Variants in CRIM1 observed in about 807,000 individuals in gnomAD.
CRIM1 encodes the protein cysteine rich transmembrane BMP regulator 1, also known as cysteine-rich motor neuron 1 protein.
In CRIM1, 32 loss-of-function variants were observed where a neutral mutation model predicts 116.4. The ratio of observed to expected loss-of-function variants is 0.27; its 90% CI spans 0.21 to 0.37. CRIM1 has a LOEUF of 0.37. Ranked by LOEUF, CRIM1 falls within the 10% of genes least tolerant of loss-of-function variation. The probability of loss-of-function intolerance (pLI) is 1.00; values close to 1 mark genes in which losing one functional copy is unlikely to be tolerated. For synonymous variants in CRIM1, 590 were observed against 509.2 expected, an observed-to-expected ratio of 1.16 and a Z score of -2.13; for missense variants, 1,331 against 1,354.8, an observed-to-expected ratio of 0.98 and a Z score of 0.28.
intron 2 of CRIM1, among the ~76,000 whole-genome samples, chr2:36,403,536 A>G (rs3770926): frequency 0.13 from 19,083 of 152,160 alleles, 1,528 homozygotes; most frequent in East Asian, 0.47. Flanking sequence ...GAAGGGAAGG[A>G]GAGTTTAAGA....
chr2:36,508,650 C>G (rs1681594363), intron 8 of CRIM1, among the ~76,000 whole-genome samples: 1 of 152,172 alleles, frequency 6.6e-6, no homozygotes. Flanking sequence ...CTTTCAAATT[C>G]TATATTTAAT....
chr2:36,474,385 C>A (rs1678791697), intron 5 of CRIM1, among the ~76,000 whole-genome samples: 1 of 152,028 alleles, frequency 6.6e-6, no homozygotes. Flanking sequence ...ATCTAAGAAA[C>A]CACTCCCTAA....
intron 12 of CRIM1, among the ~76,000 whole-genome samples, chr2:36,520,965 C>A (rs779166811): frequency 6.6e-5 from 10 of 152,204 alleles, no homozygotes; most frequent in African/African-American, 2.4e-4. Flanking sequence ...ATGTGGCCCT[C>A]TTAGAGCTTT....
intron 2 of CRIM1, among the ~76,000 whole-genome samples, chr2:36,411,733 A>G (rs1302651780): frequency 6.6e-6 from 1 of 152,048 alleles, no homozygotes; most frequent in Non-Finnish European, 1.5e-5. Flanking sequence ...TAATAGTGTT[A>G]CATTCTCTGG....
intron 13 of CRIM1, among the ~76,000 whole-genome samples, chr2:36,523,898 C>T (rs893470714): frequency 1.3e-5 from 2 of 152,062 alleles, no homozygotes; most frequent in South Asian, 2.1e-4. Context: ...TTTTACTCTG[C>T]GTGTTGGTAT....
At chr2:36,476,772 A>G (rs988080552) in intron 5 of CRIM1, 117 bp from the exon 6 acceptor site, 1 of 770,366 alleles carries the variant, frequency 1.3e-6, no homozygotes, top group South Asian at 1.8e-5. Flanking sequence ...AGTTGAGTAA[A>G]TTTCCATCAA....
Position 36,544,507 on chromosome 2 carries a change from T to C in CRIM1, c.2746+9T>C. Reference sequence around the variant, plus strand: ...CGTCCATCTCCCTAGAGGTAAGCATTGAAGGCAGCTGAGATCTGCTAGTTT... The same window carrying C: ...CGTCCATCTCCCTAGAGGTAAGCATCGAAGGCAGCTGAGATCTGCTAGTTT... On this transcript the variant is annotated intron_variant, in intron 15 of 16. Transcript: ENST00000280527. The C allele has an allele frequency of 7.5e-7, 1 of 1,324,928 alleles. No individual in the cohort carries two copies. The highest frequency in any genetic ancestry group is 9.7e-7 in the Non-Finnish European group (1 of 1,027,504). The allele number at this position is 1,324,928 out of a possible 1,614,324, so 82.1% of individuals were successfully genotyped here.
At chr2:36,418,401 C>G (rs1159381098) in intron 2 of CRIM1, among the ~76,000 whole-genome samples, 1 of 152,178 alleles carries the variant, frequency 6.6e-6, no homozygotes, top group African/African-American at 2.4e-5. Context: ...CCTCCCCAGG[C>G]TCAGCTTCCC....
chr2:36,497,666 A>G (rs1469366048), intron 7 of CRIM1, among the ~76,000 whole-genome samples: 1 of 152,218 alleles, frequency 6.6e-6, no homozygotes. Flanking sequence ...TTTTAGTAAG[A>G]TGCTGTTCTT....
At chr2:36,463,402 G>T (rs1339338189) in intron 4 of CRIM1, among the ~76,000 whole-genome samples, 1 of 152,174 alleles carries the variant, frequency 6.6e-6, no homozygotes, top group African/African-American at 2.4e-5. Context: ...AGTTTTCCCT[G>T]CTGGGAACAT....
chr2:36,529,603 T>G (rs923646068), intron 13 of CRIM1: 14 of 166,914 alleles, frequency 8.4e-5, no homozygotes, highest in Non-Finnish European at 1.8e-4. Flanking sequence ...ATAAAATGTT[T>G]CCTTCAACAA....
At chr2:36,394,508 T>G (rs1320305369) in intron 1 of CRIM1, among the ~76,000 whole-genome samples, 4 of 152,156 alleles carry the variant, frequency 2.6e-5, no homozygotes, top group Non-Finnish European at 5.9e-5. Flanking sequence ...CTGATTTTCC[T>G]TTCAGAGTAC....
rs575443930 is a variant in CRIM1 at position 36,476,490 on chromosome 2, AT to A, written c.992-394del. ...CCACTTCAAAAAAGACCATAATAAA[AT>A]TTTTGAAGCAGAACAAAACCTAATG... On this transcript the variant is annotated intron_variant, in intron 5 of 16. Transcript: ENST00000280527. 1.3e-3 allele frequency among the ~76,000 whole-genome samples: 193 copies of A among 152,244 alleles called. 2 individuals are homozygous for A. The highest frequency in any genetic ancestry group is 4.5e-3 in the African/African-American group (185 of 41,556).
chr2:36,406,057 A>G (rs1433134102), intron 2 of CRIM1, among the ~76,000 whole-genome samples: 1 of 152,212 alleles, frequency 6.6e-6, no homozygotes, highest in South Asian at 2.1e-4. Context: ...GATCTCCTGT[A>G]TGGCATTAAA....
At position 36,472,772 on chromosome 2, in the gene CRIM1, C is replaced by G. The variant is rs187054591; in HGVS notation, c.992-4117C>G. 1.2e-4 allele frequency among the ~76,000 whole-genome samples: 18 copies of G among 152,252 alleles called. No homozygotes were observed. The East Asian group carries it at 3.3e-3, about 28-fold the overall frequency. On this transcript the variant is annotated intron_variant, in intron 5 of 16. Transcript: ENST00000280527. ...TTAGAGTACAGTATTTTGCCTCGCTCTACAGCCTGCAAATTTAATGTATAA... is the reference window on the plus strand; with the variant it reads ...TTAGAGTACAGTATTTTGCCTCGCTGTACAGCCTGCAAATTTAATGTATAA...
At chr2:36,533,828 G>GA (rs898386738) in intron 13 of CRIM1, among the ~76,000 whole-genome samples, 3 of 151,956 alleles carry the variant, frequency 2.0e-5, no homozygotes. Flanking sequence ...GTATCATTCA[G>GA]AAAACACCAC....
At chr2:36,419,009 T>G (rs192361730) in intron 2 of CRIM1, among the ~76,000 whole-genome samples, 1 of 152,318 alleles carries the variant, frequency 6.6e-6, no homozygotes, top group East Asian at 1.9e-4. Flanking sequence ...CCTTCCTCTC[T>G]CCTGCTGTAG....
In CRIM1 at chr2:36,442,697, C is replaced by G; in HGVS notation, c.831C>G (p.Val277=). Reference sequence around the variant, plus strand: ...CCCCGGACAGCTATGAAACTCAAGTCAGACTAACTGCAGATGGTTGCTGTA... The same window carrying G: ...CCCCGGACAGCTATGAAACTCAAGTGAGACTAACTGCAGATGGTTGCTGTA... ...ACPPDSYETQ[V]RLTADGCCTL... Residue 277 remains valine, a synonymous_variant, in exon 4 of 17, where the codon GTC becomes GTG. Transcript: ENST00000280527. 6.2e-7 allele frequency: 1 copy of G among 1,614,182 alleles called. No homozygotes were observed. Among genetic ancestry groups the G allele is most frequent in the South Asian group, 1.1e-5 (1 of 91,076 alleles).
At chr2:36,506,183 A>T (rs2030646) in intron 8 of CRIM1, among the ~76,000 whole-genome samples, 4,201 of 48,990 alleles carry the variant, frequency 0.086, 129 homozygotes, top group African/African-American at 0.17. Context: ...TCTCTCTCTC[A>T]CACACACACA....
Sources: gnomAD v4.1 joint callset for allele counts (sites outside exome capture counted in the v4.1 genomes callset) on GRCh38, gnomAD v4.1.1 for gene constraint, MANE v1.5 for transcripts, NCBI Gene and HGNC (gene_info 2026-07-23, HGNC 2026-07-21) for gene names.